Variants in MYO1B observed in about 807,000 individuals in gnomAD.
MYO1B encodes unconventional myosin-Ib.
A neutral mutation model predicts 159.7 loss-of-function variants in MYO1B; 72 were observed. The observed-to-expected ratio is 0.45, with a 90% CI of 0.37 to 0.55. The LOEUF (loss-of-function observed/expected upper bound fraction) is 0.55. Ranked by LOEUF, MYO1B falls within the 20% of genes least tolerant of loss-of-function variation. The pLI is 0.00. For synonymous variants in MYO1B, 468 were observed against 473.8 expected, an observed-to-expected ratio of 0.99 and a Z score of 0.16; for missense variants, 1,062 against 1,364.8, an observed-to-expected ratio of 0.78 and a Z score of 3.50.
intron 1 of MYO1B, among the ~76,000 whole-genome samples, chr2:191,259,593 T>C (rs1193967801): frequency 6.6e-6 from 1 of 152,254 alleles, no homozygotes. Context: ...TCTGCCACTT[T>C]GCTGTTGTGA....
At chr2:191,394,550 A>G (rs1002175123) in intron 20 of MYO1B, among the ~76,000 whole-genome samples, 11 of 152,238 alleles carry the variant, frequency 7.2e-5, no homozygotes, top group African/African-American at 2.7e-4. Context: ...ATCTAGTGAA[A>G]GACAATACGC....
chr2:191,423,726 G>A, intron 30 of MYO1B, 111 bp from the exon 31 acceptor site: 2 of 1,197,858 alleles, frequency 1.7e-6, no homozygotes, highest in Non-Finnish European at 2.3e-6. Context: ...GGTTAGGGAT[G>A]CGCAGCCTGT....
In MYO1B at chr2:191,423,858, G is replaced by A. The variant is rs1408869305; in HGVS notation, c.3309G>A (p.Gln1103=). Reference sequence around the variant, plus strand: ...CTAGGTTCCTGGTACAGTTCAGACAGGACAAAGTATGTGTGAAGTTTATTC... The same window carrying A: ...CTAGGTTCCTGGTACAGTTCAGACAAGACAAAGTATGTGTGAAGTTTATTC... The part of the protein sequence containing the change: ...ISDEFLVQFR[Q]DKVCVKFIQG... The change falls in exon 31 of 31, where the codon CAG becomes CAA. Residue 1103 remains glutamine (Q), a synonymous_variant. Coordinates refer to ENST00000392318, the MANE Select transcript of MYO1B (RefSeq NM_001130158.3). The A allele has an allele frequency of 6.2e-7, 1 of 1,613,880 alleles. No homozygotes were observed. The highest frequency in any genetic ancestry group is 8.5e-7 in the Non-Finnish European group (1 of 1,179,858).
chr2:191,404,324 C>G (rs773279339), intron 24 of MYO1B, among the ~76,000 whole-genome samples: 1 of 151,918 alleles, frequency 6.6e-6, no homozygotes, highest in Non-Finnish European at 1.5e-5. Flanking sequence ...CCTGCCCTGT[C>G]GAATATCAAA....
rs1219902081 is a variant in MYO1B at position 191,276,669 on chromosome 2, G to A, written c.-9-218G>A. Reference sequence around the variant, plus strand: ...GGACTTCACCAGGGAGGATGGACTGGGAAGGAGGTTCATTTGTGGCAGCAG... The same window carrying A: ...GGACTTCACCAGGGAGGATGGACTGAGAAGGAGGTTCATTTGTGGCAGCAG... On this transcript the variant is annotated intron_variant, in intron 1 of 30. Transcript: ENST00000392318. Among the ~76,000 whole-genome samples the A allele has an allele frequency of 2.0e-5, 3 of 152,118 alleles. 1 individual carries two copies. Among genetic ancestry groups the A allele is most frequent in the Middle Eastern group, 3.2e-3 (1 of 316 alleles).
intron 13 of MYO1B, among the ~76,000 whole-genome samples, chr2:191,375,470 AAGATAGATAGAT>A (rs149225477): frequency 1.4e-4 from 20 of 146,362 alleles, no homozygotes; most frequent in Admixed American, 2.8e-4. Context: ...TGATTTGTAA[AAGATAGATAGAT>A]AGATAGATAG....
rs548214133 is a variant in MYO1B, at chr2:191,361,846, AT to A, written c.662-420del. Among the ~76,000 whole-genome samples the A allele has an allele frequency of 4.0e-4, 61 of 152,146 alleles. No individual in the cohort carries two copies. The South Asian group carries it at 0.011, about 27-fold the overall frequency. On this transcript the variant is annotated intron_variant, in intron 8 of 30. Transcript: ENST00000392318. Reference sequence around the variant, plus strand: ...AATTCAGATATGAATCCAAAAACCAATTGGTATGAAGACATTTATCACTGCT... The same window carrying A: ...AATTCAGATATGAATCCAAAAACCAATGGTATGAAGACATTTATCACTGCT...
intron 4 of MYO1B, among the ~76,000 whole-genome samples, chr2:191,330,778 G>T (rs778590290): frequency 1.3e-5 from 2 of 152,144 alleles, no homozygotes; most frequent in African/African-American, 4.8e-5. Context: ...TGGTATTTTC[G>T]TAAAGTTTCA....
chr2:191,322,380 C>T (rs1345399005), intron 3 of MYO1B, among the ~76,000 whole-genome samples: 1 of 152,130 alleles, frequency 6.6e-6, no homozygotes, highest in East Asian at 1.9e-4. Context: ...TTATCTGCTT[C>T]CTAATGTGTG....
intron 17 of MYO1B, 141 bp downstream of exon 17, chr2:191,387,591 G>A (rs1695472242): frequency 9.3e-6 from 7 of 752,756 alleles, no homozygotes; most frequent in African/African-American, 1.8e-5. Context: ...ACCTTATCTG[G>A]GATTGGCTTA....
Position 191,333,091 on chromosome 2 carries a change from C to T in MYO1B, c.346+3062C>T, listed in dbSNP as rs185944423. ...CAAAGACTGATCCATATGAAAATTG[C>T]CAGGTCTCATTTAAAATATGTCTAT... is the stretch of plus-strand genomic sequence containing the variant. On this transcript the variant is annotated intron_variant, in intron 4 of 30. Coordinates refer to ENST00000392318, the MANE Select transcript of MYO1B (RefSeq NM_001130158.3). 1.4e-4 allele frequency among the ~76,000 whole-genome samples: 21 copies of T among 152,244 alleles called. No homozygotes were observed. In the East Asian group the frequency reaches 3.7e-3, roughly 27 times the overall value.
At chr2:191,279,272 A>G (rs989567694) in intron 2 of MYO1B, among the ~76,000 whole-genome samples, 1 of 152,220 alleles carries the variant, frequency 6.6e-6, no homozygotes, top group Non-Finnish European at 1.5e-5. Context: ...AGGGCTGGGC[A>G]TTCTCTATTA....
chr2:191,267,951 G>C (rs932774509), intron 1 of MYO1B, among the ~76,000 whole-genome samples: 2 of 152,190 alleles, frequency 1.3e-5, no homozygotes, highest in African/African-American at 4.8e-5. Context: ...GGCTGTGCCT[G>C]TCTAATATGC....
chr2:191,422,300 C>T (rs996343284), intron 30 of MYO1B, among the ~76,000 whole-genome samples: 5 of 152,138 alleles, frequency 3.3e-5, no homozygotes, highest in African/African-American at 9.7e-5. Context: ...GTTTCTGGCC[C>T]AGCGATGCAG....
chr2:191,273,234 T>C (rs1267510175), intron 1 of MYO1B, among the ~76,000 whole-genome samples: 1 of 152,220 alleles, frequency 6.6e-6, no homozygotes, highest in Non-Finnish European at 1.5e-5. Flanking sequence ...TTCTCCTGCC[T>C]CAACCTCCTC....
chr2:191,408,592 G>A (rs763415296), intron 25 of MYO1B, among the ~76,000 whole-genome samples: 5 of 152,174 alleles, frequency 3.3e-5, no homozygotes, highest in Admixed American at 6.5e-5. Context: ...CATGGACTCT[G>A]GAGTTCTCCA....
chr2:191,396,859 C>T (rs143095914), intron 21 of MYO1B, among the ~76,000 whole-genome samples: 7 of 152,316 alleles, frequency 4.6e-5, no homozygotes, highest in East Asian at 3.9e-4. Context: ...CAGTGACTTC[C>T]GTAACTGTCC....
chr2:191,320,517 CTGTG>C (rs1290161343), intron 3 of MYO1B, among the ~76,000 whole-genome samples: 1 of 152,040 alleles, frequency 6.6e-6, no homozygotes, highest in Non-Finnish European at 1.5e-5. Context: ...ACACAGTGGT[CTGTG>C]TGTATGTATG....
intron 26 of MYO1B, among the ~76,000 whole-genome samples, chr2:191,409,576 T>C (rs1697141061): frequency 6.6e-6 from 1 of 152,224 alleles, no homozygotes; most frequent in African/African-American, 2.4e-5. Flanking sequence ...AAGAGTTTAC[T>C]TTATCAGATG....
Sources: gnomAD v4.1 joint callset for allele counts (sites outside exome capture counted in the v4.1 genomes callset) on GRCh38, gnomAD v4.1.1 for gene constraint, MANE v1.5 for transcripts, NCBI Gene and HGNC (gene_info 2026-07-23, HGNC 2026-07-21) for gene names.